The following TRABD2A variants were observed in gnomAD, a reference collection of about 807,000 sequenced individuals.
The protein encoded by TRABD2A is metalloprotease TIKI1.
TRABD2A carries 43 observed loss-of-function variants against 45.6 expected under a neutral mutation model. The ratio of observed to expected loss-of-function variants is 0.94; its 90% CI spans 0.74 to 1.22. The LOEUF (loss-of-function observed/expected upper bound fraction) is 1.22, where lower values mean the gene tolerates loss of function less well. Among genes scored for constraint, TRABD2A ranks in the 50% most tolerant of loss-of-function variants. TRABD2A has a pLI of 0.00. For missense variants in TRABD2A, 642 were observed against 652.4 expected, an observed-to-expected ratio of 0.98 and a Z score of 0.17; for synonymous variants, 269 against 265.0, an observed-to-expected ratio of 1.02 and a Z score of -0.15.
rs181451822 is a variant in TRABD2A at position 84,823,966 on chromosome 2, G to A, written c.1321C>T (p.Arg441Cys). The change falls in exon 6 of 7, where the codon CGC becomes TGC. Residue 441 changes from arginine to cysteine, a missense_variant. Physicochemically the swap from Arg to Cys is radical, Grantham distance 180 (BLOSUM62 -3). Transcript: ENST00000409520. ...TACTCGCCTGACCTCTCCTCCAGGC[G>A]GACCCACAGATCGCTGAATTGCCGG... ...RLRQFSDLWV[R>C]LEESDIVPQL... is the part of the protein sequence containing the mutation. 21 of 1,613,816 alleles carry A rather than the reference G, an allele frequency of 1.3e-5. No homozygotes were observed. Among genetic ancestry groups the A allele is most frequent in the African/African-American group, 1.2e-4 (9 of 75,032 alleles).
intron 2 of TRABD2A, among the ~76,000 whole-genome samples, chr2:84,869,973 C>CAAAAAA (rs36090318): frequency 0.1 from 7,815 of 75,080 alleles, 160 homozygotes; most frequent in African/African-American, 0.15. Context: ...GACTCTGTCC[C>CAAAAAA]AAAAAAAAAA....
At chr2:84,856,409 T>C (rs1479072192) in intron 2 of TRABD2A, among the ~76,000 whole-genome samples, 1 of 152,142 alleles carries the variant, frequency 6.6e-6, no homozygotes, top group Non-Finnish European at 1.5e-5. Context: ...CTTCTTGTCA[T>C]GTGAATGGAT....
At chr2:84,826,998 G>T (rs1004030136) in intron 5 of TRABD2A, among the ~76,000 whole-genome samples, 22 of 152,144 alleles carry the variant, frequency 1.4e-4, no homozygotes, top group Admixed American at 3.3e-4. Context: ...GGGGTTTAAG[G>T]GTCCCTAGGT....
chr2:84,823,862 G>T, intron 6 of TRABD2A, 91 bp downstream of exon 6: 1 of 1,523,194 alleles, frequency 6.6e-7, no homozygotes, highest in Non-Finnish European at 8.8e-7. Flanking sequence ...CCATGAGGGG[G>T]GCTCCCATTG....
At chr2:84,855,232 G>A (rs572398040) in intron 2 of TRABD2A, among the ~76,000 whole-genome samples, 8 of 152,122 alleles carry the variant, frequency 5.3e-5, no homozygotes, top group Non-Finnish European at 1.0e-4. Flanking sequence ...ATTTGCATTC[G>A]TGTAGATTTC....
chr2:84,838,146 C>G, intron 4 of TRABD2A: 1 of 698,850 alleles, frequency 1.4e-6, no homozygotes, highest in Non-Finnish European at 2.6e-6. Context: ...TTTGGAGGAA[C>G]TTTGAACCCA....
intron 2 of TRABD2A, chr2:84,850,865 C>G (rs1682063160): frequency 6.6e-6 from 1 of 152,338 alleles, no homozygotes; most frequent in African/African-American, 2.4e-5. Flanking sequence ...TCCTCCACCA[C>G]CTAACATCAT....
chr2:84,829,389 CA>C (rs1182724674), intron 5 of TRABD2A, among the ~76,000 whole-genome samples: 5 of 119,290 alleles, frequency 4.2e-5, no homozygotes, highest in Admixed American at 8.1e-5. Context: ...CACACACACA[CA>C]CACACACACC....
chr2:84,850,137 C>A (rs764078697), intron 2 of TRABD2A, among the ~76,000 whole-genome samples: 34 of 152,112 alleles, frequency 2.2e-4, no homozygotes, highest in Non-Finnish European at 1.6e-4. Context: ...TGCCAGGTAG[C>A]AAATGCCTTC....
intron 2 of TRABD2A, among the ~76,000 whole-genome samples, chr2:84,848,267 C>CACGCATCCTAAA (rs144469385): frequency 2.6e-5 from 4 of 151,298 alleles, no homozygotes; most frequent in Non-Finnish European, 4.4e-5. Flanking sequence ...GTTCCCCAAT[C>CACGCATCCTAAA]AGCAACCACT....
intron 1 of TRABD2A, among the ~76,000 whole-genome samples, chr2:84,873,481 C>T (rs771914841): frequency 2.6e-5 from 4 of 152,236 alleles, no homozygotes; most frequent in Non-Finnish European, 5.9e-5. Flanking sequence ...AGATGAATCA[C>T]GTACAGGGTC....
intron 2 of TRABD2A, among the ~76,000 whole-genome samples, chr2:84,867,727 A>G (rs1030327401): frequency 1.3e-5 from 2 of 152,216 alleles, no homozygotes; most frequent in Admixed American, 1.3e-4. Context: ...AAGAACTCAA[A>G]CAAATTTACA....
At chr2:84,829,001 A>C (rs1413760463) in intron 5 of TRABD2A, among the ~76,000 whole-genome samples, 1 of 152,162 alleles carries the variant, frequency 6.6e-6, no homozygotes, top group East Asian at 1.9e-4. Context: ...TAGGAAGTAA[A>C]AGGTGGGAGA....
intron 5 of TRABD2A, among the ~76,000 whole-genome samples, chr2:84,824,618 A>G (rs1009925981): frequency 6.9e-6 from 1 of 144,686 alleles, no homozygotes; most frequent in Admixed American, 7.3e-5. Context: ...TGGCCCAATC[A>G]TAGCTCACTG....
intron 5 of TRABD2A, among the ~76,000 whole-genome samples, chr2:84,828,576 C>A (rs1053838762): frequency 6.6e-6 from 1 of 152,184 alleles, no homozygotes; most frequent in African/African-American, 2.4e-5. Context: ...CCTTTGGAGA[C>A]CTCATCCTCC....
chr2:84,854,711 C>G (rs1490692165), intron 2 of TRABD2A, among the ~76,000 whole-genome samples: 2 of 152,226 alleles, frequency 1.3e-5, no homozygotes, highest in Non-Finnish European at 2.9e-5. Context: ...CCATGCAACT[C>G]TAAGGCAAGG....
At position 84,832,066 on chromosome 2, in the gene TRABD2A, T is replaced by TCTACCA; in HGVS notation, c.1070_1071insTGGTAG (p.Gly356_Arg357dup). On this transcript the variant is annotated inframe_insertion, in exon 5 of 7. Transcript: ENST00000409520. The stretch of plus-strand genomic sequence containing the variant: ...CACAGGACGGTTACTTGTGGATGGG[T>TCTACCA]CGTCCAGCAGGGGCGTGTTCTACCT... The TCTACCA allele has an allele frequency of 6.2e-7, 1 of 1,613,334 alleles. No individual in the cohort carries two copies. Among genetic ancestry groups the TCTACCA allele is most frequent in the Non-Finnish European group, 8.5e-7 (1 of 1,179,878 alleles).
chr2:84,851,053 T>G (rs1367142124), intron 2 of TRABD2A: 1 of 152,278 alleles, frequency 6.6e-6, no homozygotes, highest in East Asian at 1.9e-4. Context: ...GTAGCTATGC[T>G]TAAAGCTTGC....
chr2:84,855,855 C>T (rs1365679042), intron 2 of TRABD2A, among the ~76,000 whole-genome samples: 3 of 152,088 alleles, frequency 2.0e-5, no homozygotes, highest in Non-Finnish European at 4.4e-5. Flanking sequence ...TGAGGGGGTT[C>T]GAGTCCGGCA....
Sources: allele counts gnomAD v4.1 joint callset (sites outside exome capture counted in the v4.1 genomes callset), GRCh38; gene constraint gnomAD v4.1.1; transcripts MANE v1.5; gene names NCBI Gene and HGNC (gene_info 2026-07-23, HGNC 2026-07-21).